SLC25A12: variants seen among roughly 807,000 people sequenced by gnomAD.
SLC25A12 encodes the protein solute carrier family 25 member 12, also known as electrogenic aspartate/glutamate antiporter SLC25A12, mitochondrial.
Under a neutral mutation model 83.3 loss-of-function variants are expected in SLC25A12, and 32 were observed. The observed-to-expected ratio is 0.38, with a 90% CI of 0.29 to 0.52. The LOEUF is 0.52. Among genes scored for constraint, SLC25A12 ranks in the 20% least tolerant of loss-of-function variants. The pLI, the probability that SLC25A12 is intolerant of heterozygous loss-of-function variation, is 0.84. For synonymous variants in SLC25A12, 267 were observed against 291.1 expected (o/e 0.92, Z 0.84); for missense variants, 611 against 835.6 (o/e 0.73, Z 3.31).
intron 2 of SLC25A12, among the ~76,000 whole-genome samples, chr2:171,871,092 T>A (rs1354795989): frequency 1.3e-5 from 2 of 152,094 alleles, no homozygotes; most frequent in African/African-American, 2.4e-5. Context: ...CTCCCAGCTA[T>A]GCAGGATGCT....
In SLC25A12 at chr2:171,785,486, A is replaced by C. The variant is rs1490018214; in HGVS notation, c.1836-11T>G. 1 of 1,612,846 alleles carries C rather than the reference A, an allele frequency of 6.2e-7. No individual in the cohort carries two copies. The highest frequency in any genetic ancestry group is 2.2e-5 in the East Asian group (1 of 44,894). On this transcript the variant is annotated splice_polypyrimidine_tract_variant and intron_variant, in intron 17 of 17. Transcript: ENST00000422440. ...GAACCAGCGGGTTTGCTGTTGACAG[A>C]AAAAAAGCCAATGGTTAGCATGCTC...
At chr2:171,842,613 T>C (rs1328695362) in intron 5 of SLC25A12, among the ~76,000 whole-genome samples, 14 of 151,956 alleles carry the variant, frequency 9.2e-5, no homozygotes, top group Admixed American at 8.5e-4. Flanking sequence ...GAAAAGTTCA[T>C]ATTGTACAAT....
At chr2:171,839,075 T>TA (rs1246234411) in intron 5 of SLC25A12, among the ~76,000 whole-genome samples, 1 of 152,210 alleles carries the variant, frequency 6.6e-6, no homozygotes, top group Non-Finnish European at 1.5e-5. Flanking sequence ...TATTGTAAAA[T>TA]AGACTCTGTA....
intron 2 of SLC25A12, among the ~76,000 whole-genome samples, chr2:171,877,771 A>T: frequency 6.6e-6 from 1 of 152,150 alleles, no homozygotes; most frequent in Non-Finnish European, 1.5e-5. Flanking sequence ...TAAGAAAAAA[A>T]GGTTAACTTA....
At chr2:171,819,905 T>A (rs558805898) in intron 9 of SLC25A12, among the ~76,000 whole-genome samples, 10 of 152,130 alleles carry the variant, frequency 6.6e-5, no homozygotes, top group Non-Finnish European at 1.5e-4. Flanking sequence ...AAGAATGAGA[T>A]CCTGTCTTTT....
chr2:171,875,162 A>G (rs1036020121), intron 2 of SLC25A12, among the ~76,000 whole-genome samples: 8 of 152,206 alleles, frequency 5.3e-5, no homozygotes, highest in African/African-American at 1.9e-4. Context: ...TCCGCAACCA[A>G]TCAGACCAAT....
At chr2:171,860,370 C>G (rs921460981) in intron 3 of SLC25A12, among the ~76,000 whole-genome samples, 1 of 151,960 alleles carries the variant, frequency 6.6e-6, no homozygotes, top group Non-Finnish European at 1.5e-5. Context: ...CACTTGAGGT[C>G]AGTGGATCAC....
chr2:171,789,248 T>TG (rs1405669719), intron 15 of SLC25A12, among the ~76,000 whole-genome samples: 1 of 152,080 alleles, frequency 6.6e-6, no homozygotes, highest in Non-Finnish European at 1.5e-5. Context: ...CTTTTTTTTT[T>TG]GAGACAGTCT....
At chr2:171,790,324 T>C (rs139562569) in intron 15 of SLC25A12, among the ~76,000 whole-genome samples, 3,576 of 152,226 alleles carry the variant, frequency 0.023, 57 homozygotes, top group Middle Eastern at 0.037. Flanking sequence ...ACTGGTTGTA[T>C]AGAGAGCAAA....
intron 4 of SLC25A12, chr2:171,845,677 C>A: frequency 7.3e-6 from 2 of 274,570 alleles, no homozygotes; most frequent in Middle Eastern, 8.5e-4. Context: ...TTAATAAAAG[C>A]ATTACTACTG....
At chr2:171,797,004 T>C (rs1265719832) in intron 13 of SLC25A12, among the ~76,000 whole-genome samples, 1 of 152,230 alleles carries the variant, frequency 6.6e-6, no homozygotes, top group Non-Finnish European at 1.5e-5. Flanking sequence ...TATCAAACTC[T>C]TGAACTGGGT....
At chr2:171,884,007 C>G (rs1685755541) in intron 2 of SLC25A12, among the ~76,000 whole-genome samples, 1 of 151,782 alleles carries the variant, frequency 6.6e-6, no homozygotes, top group Non-Finnish European at 1.5e-5. Context: ...ACTACAAGCA[C>G]AGGCCACCAT....
At chr2:171,809,438 C>A in intron 13 of SLC25A12, 168 bp downstream of exon 13, 1 of 662,186 alleles carries the variant, frequency 1.5e-6, no homozygotes. Context: ...CACTCAAAAC[C>A]CGTTAGCTTT....
intron 17 of SLC25A12, 137 bp downstream of exon 17, chr2:171,787,430 GCTCA>G (rs1363670927): frequency 2.6e-6 from 2 of 781,830 alleles, no homozygotes; most frequent in Non-Finnish European, 4.7e-6. Flanking sequence ...TGCTTCTTAA[GCTCA>G]CTGTTTTAAA....
At chr2:171,842,209 A>G (rs1684693271) in intron 5 of SLC25A12, among the ~76,000 whole-genome samples, 1 of 152,132 alleles carries the variant, frequency 6.6e-6, no homozygotes, top group African/African-American at 2.4e-5. Flanking sequence ...TCAGCCACAA[A>G]AAAGGAATAA....
At chr2:171,857,309 T>C (rs1349251196) in intron 3 of SLC25A12, among the ~76,000 whole-genome samples, 5 of 152,174 alleles carry the variant, frequency 3.3e-5, no homozygotes, top group Admixed American at 2.0e-4. Flanking sequence ...AAGTAGAGGC[T>C]GTAATAAGCC....
intron 3 of SLC25A12, among the ~76,000 whole-genome samples, chr2:171,865,775 G>C (rs1685277530): frequency 6.6e-6 from 1 of 151,916 alleles, no homozygotes; most frequent in Non-Finnish European, 1.5e-5. Context: ...CTCAGAATTT[G>C]ACCTATAAAG....
At chr2:171,806,408 T>C (rs1183767762) in intron 13 of SLC25A12, among the ~76,000 whole-genome samples, 1 of 152,076 alleles carries the variant, frequency 6.6e-6, no homozygotes, top group Non-Finnish European at 1.5e-5. Context: ...TGGGCCGAGA[T>C]CGTGCCATTG....
chr2:171,879,691 A>T (rs750352106), intron 2 of SLC25A12, among the ~76,000 whole-genome samples: 2 of 152,242 alleles, frequency 1.3e-5, no homozygotes, highest in Non-Finnish European at 1.5e-5. Flanking sequence ...GGGAACATAC[A>T]AGAAGCATAT....
Sources: allele counts gnomAD v4.1 joint callset (sites outside exome capture counted in the v4.1 genomes callset), GRCh38; gene constraint gnomAD v4.1.1; transcripts MANE v1.5; gene names NCBI Gene and HGNC (gene_info 2026-07-23, HGNC 2026-07-21).